Variants in TRIP4 observed in about 807,000 individuals in gnomAD.
TRIP4 encodes activating signal cointegrator 1.
A neutral mutation model predicts 81.8 loss-of-function variants in TRIP4; 54 were observed. The observed-to-expected ratio is 0.66, with a 90% CI of 0.53 to 0.83. The LOEUF (loss-of-function observed/expected upper bound fraction) is 0.83. Ranked by LOEUF, TRIP4 falls within the 40% of genes least tolerant of loss-of-function variation. The pLI is 0.00. For missense variants in TRIP4, 662 were observed against 683.6 expected (o/e 0.97, Z 0.35); for synonymous variants, 270 against 242.8 (o/e 1.11, Z -1.04).
chr15:64,451,097 CTT>C, intron 12 of TRIP4: 1 of 162,768 alleles, frequency 6.1e-6, no homozygotes, highest in Non-Finnish European at 1.3e-5. Flanking sequence ...CTTCAGGAGA[CTT>C]TGAATTTATG....
At chr15:64,389,182 C>T (rs563397444) in intron 1 of TRIP4, among the ~76,000 whole-genome samples, 2 of 152,236 alleles carry the variant, frequency 1.3e-5, no homozygotes, top group South Asian at 2.1e-4. Flanking sequence ...GGGACTTGAT[C>T]GAAGAACTGA....
intron 11 of TRIP4, among the ~76,000 whole-genome samples, chr15:64,437,531 C>T (rs377753280): frequency 6.7e-6 from 1 of 149,752 alleles, no homozygotes; most frequent in Non-Finnish European, 1.5e-5. Context: ...CTCACTCTGT[C>T]GTGCAGGCTA....
At chr15:64,403,509 AC>A (rs1217368486) in intron 5 of TRIP4, among the ~76,000 whole-genome samples, 3 of 152,264 alleles carry the variant, frequency 2.0e-5, no homozygotes, top group Admixed American at 2.0e-4. Flanking sequence ...CTCACTACTT[AC>A]GCAAATATTT....
At chr15:64,409,969 G>C (rs10468032) in intron 7 of TRIP4, 141 bp downstream of exon 7, 1 of 674,472 alleles carries the variant, frequency 1.5e-6, no homozygotes. Flanking sequence ...GAATAGCTAA[G>C]AAAAAATGTT....
intron 4 of TRIP4, among the ~76,000 whole-genome samples, chr15:64,399,930 G>A (rs1891450640): frequency 6.7e-6 from 1 of 150,350 alleles, no homozygotes; most frequent in Non-Finnish European, 1.5e-5. Context: ...AGCAGAGATG[G>A]TGCCACCGCA....
chr15:64,406,395 A>AG lies in TRIP4; in HGVS notation c.763_764insG (p.Ile255SerfsTer2). On this transcript the variant is annotated frameshift_variant, in exon 6 of 13. Coordinates refer to ENST00000261884, the MANE Select transcript of TRIP4 (RefSeq NM_016213.5). LOFTEE classifies it high-confidence loss of function. ...CCTTCTTCCTCATCAAGAATTGCGA[A>AG]TTAAGTCTGGTCTGGAGAAGGCTAT... The AG allele has an allele frequency of 6.2e-7, 1 of 1,614,228 alleles. No individual in the cohort carries two copies. The highest frequency in any genetic ancestry group is 8.5e-7 in the Non-Finnish European group (1 of 1,180,040).
At chr15:64,399,415 G>GAGT (rs1891433964) in intron 4 of TRIP4, among the ~76,000 whole-genome samples, 5 of 152,158 alleles carry the variant, frequency 3.3e-5, no homozygotes, top group Admixed American at 3.3e-4. Flanking sequence ...CAGGAACTCT[G>GAGT]TGTGTCATTG....
chr15:64,447,307 A>G (rs978402414), intron 12 of TRIP4, among the ~76,000 whole-genome samples: 4 of 152,184 alleles, frequency 2.6e-5, no homozygotes, highest in African/African-American at 9.6e-5. Context: ...CACTGGTGCG[A>G]AACTCTCCCT....
At position 64,406,393 on chromosome 15, in the gene TRIP4, G is replaced by A. The variant is rs143968963; in HGVS notation, c.761G>A (p.Arg254Gln). ...GACCTTCTTCCTCATCAAGAATTGC[G>A]AATTAAGTCTGGTCTGGAGAAGGCT... ...TKDLLPHQELRIKSGLEKAIK... is the reference protein window; with the variant it reads ...TKDLLPHQELQIKSGLEKAIK... Residue 254 changes from arginine to glutamine, a missense_variant, in exon 6 of 13, where the codon CGA (arginine) becomes CAA (glutamine). By Grantham distance (43) the Arg-to-Gln change is conservative (BLOSUM62 1). Coordinates refer to ENST00000261884, the MANE Select transcript of TRIP4 (RefSeq NM_016213.5). The A allele has an allele frequency of 1.8e-5, 29 of 1,614,130 alleles. No homozygotes were observed. The African/African-American group carries it at 2.4e-4, about 13-fold the overall frequency.
chr15:64,429,789 C>T (rs1892229617), intron 11 of TRIP4, among the ~76,000 whole-genome samples: 1 of 152,142 alleles, frequency 6.6e-6, no homozygotes, highest in African/African-American at 2.4e-5. Context: ...CTGTGCCTTC[C>T]CTTCAGTATC....
chr15:64,391,015 T>C (rs1297253547), intron 1 of TRIP4, among the ~76,000 whole-genome samples: 1 of 152,242 alleles, frequency 6.6e-6, no homozygotes, highest in Non-Finnish European at 1.5e-5. Context: ...AACAGGCTAT[T>C]ATGCCATGAT....
At chr15:64,399,793 G>A (rs879309391) in intron 4 of TRIP4, among the ~76,000 whole-genome samples, 33 of 151,982 alleles carry the variant, frequency 2.2e-4, no homozygotes, top group Middle Eastern at 3.4e-3. Context: ...GAGCCACTGC[G>A]CCTGGCCCTT....
intron 7 of TRIP4, among the ~76,000 whole-genome samples, chr15:64,411,676 G>T (rs910568855): frequency 8.8e-6 from 1 of 113,220 alleles, no homozygotes. Context: ...TATTTAAATT[G>T]TGCATACTGT....
Position 64,445,601 on chromosome 15 carries a change from G to A in TRIP4, c.1678+493G>A, listed in dbSNP as rs796443242. On this transcript the variant is annotated intron_variant, in intron 12 of 12. Coordinates refer to ENST00000261884, the MANE Select transcript of TRIP4 (RefSeq NM_016213.5). ...GGAGAATCGCTTGAACCTGGGAGGC[G>A]GAGGTTACAGTGAGCTGAGATTGTG... Among the ~76,000 whole-genome samples the A allele has an allele frequency of 1.3e-4, 20 of 148,682 alleles. 1 individual carries two copies. Among genetic ancestry groups the A allele is most frequent in the African/African-American group, 4.8e-4 (19 of 39,892 alleles).
At chr15:64,406,226 C>G (rs1403069827) in intron 5 of TRIP4, 104 bp from the exon 6 acceptor site, 1 of 1,423,028 alleles carries the variant, frequency 7.0e-7, no homozygotes, top group Non-Finnish European at 9.6e-7. Context: ...TCCAGGCCAT[C>G]AGGCCAGAAC....
chr15:64,417,541 C>T (rs888924467), intron 8 of TRIP4, among the ~76,000 whole-genome samples: 1 of 152,150 alleles, frequency 6.6e-6, no homozygotes, highest in Non-Finnish European at 1.5e-5. Flanking sequence ...GACATGGTAT[C>T]GTTGCTCTGG....
intron 9 of TRIP4, among the ~76,000 whole-genome samples, chr15:64,420,820 C>T (rs1891996101): frequency 6.6e-6 from 1 of 152,050 alleles, no homozygotes. Flanking sequence ...GCGTGAGCCA[C>T]CGTGCCAGGC....
chr15:64,452,275 C>T (rs140470226), intron 12 of TRIP4, among the ~76,000 whole-genome samples: 15 of 152,322 alleles, frequency 9.8e-5, no homozygotes, highest in Admixed American at 9.2e-4. Flanking sequence ...AGCCACCATG[C>T]CCTGCCACAA....
intron 11 of TRIP4, among the ~76,000 whole-genome samples, chr15:64,436,792 T>A (rs35311449): frequency 7.2e-5 from 10 of 138,064 alleles, no homozygotes; most frequent in South Asian, 2.5e-4. Flanking sequence ...TTTTTTTTTT[T>A]AATAAGGAGT....
Sources: allele counts gnomAD v4.1 joint callset (sites outside exome capture counted in the v4.1 genomes callset), GRCh38; gene constraint gnomAD v4.1.1; transcripts MANE v1.5; gene names NCBI Gene and HGNC (gene_info 2026-07-23, HGNC 2026-07-21).